The following ZNF708 variants were observed in gnomAD, a reference collection of about 807,000 sequenced individuals.
ZNF708 encodes the protein zinc finger protein 708.
ZNF708 carries 44 observed loss-of-function variants against 47.0 expected under a neutral mutation model. That is an observed-to-expected ratio of 0.94 (90% CI 0.74 to 1.20). The LOEUF (loss-of-function observed/expected upper bound fraction) is 1.20, where lower values mean the gene tolerates loss of function less well. ZNF708 is among the 50% of genes most tolerant of loss of function. ZNF708 has a pLI of 0.00. For missense variants in ZNF708, 557 were observed against 656.0 expected, an observed-to-expected ratio of 0.85 and a Z score of 1.65; for synonymous variants, 184 against 218.5, an observed-to-expected ratio of 0.84 and a Z score of 1.39.
chr19:21,297,886 T>C (rs1012829858), intron 3 of ZNF708, among the ~76,000 whole-genome samples: 2 of 152,040 alleles, frequency 1.3e-5, no homozygotes, highest in Non-Finnish European at 2.9e-5. Context: ...CAACATGTAC[T>C]TTAAGTGAAA....
chr19:21,319,734 T>C (rs1973089831), intron 1 of ZNF708, among the ~76,000 whole-genome samples: 1 of 151,882 alleles, frequency 6.6e-6, no homozygotes, highest in Non-Finnish European at 1.5e-5. Flanking sequence ...ATTAGAAAAA[T>C]GTAAAAAAAC....
At chr19:21,317,534 G>A (rs137867529) in intron 1 of ZNF708, among the ~76,000 whole-genome samples, 7 of 152,266 alleles carry the variant, frequency 4.6e-5, no homozygotes, top group Non-Finnish European at 7.3e-5. Flanking sequence ...TTTATATCAC[G>A]TCTGGTAATT....
intron 1 of ZNF708, among the ~76,000 whole-genome samples, chr19:21,311,949 C>A (rs1391380054): frequency 2.6e-5 from 4 of 152,122 alleles, no homozygotes; most frequent in Non-Finnish European, 5.9e-5. Context: ...TGTATCTGAA[C>A]CCCTCATACT....
At chr19:21,315,161 TC>T in intron 1 of ZNF708, among the ~76,000 whole-genome samples, 1 of 152,218 alleles carries the variant, frequency 6.6e-6, no homozygotes, top group Non-Finnish European at 1.5e-5. Flanking sequence ...GAATTTGCCA[TC>T]AGATTCTGTT....
At chr19:21,321,860 A>G (rs1336963542) in intron 1 of ZNF708, among the ~76,000 whole-genome samples, 2 of 151,950 alleles carry the variant, frequency 1.3e-5, no homozygotes, top group African/African-American at 2.4e-5. Context: ...AAACCTGCAC[A>G]TGTACCAATG....
rs11879313 is a variant in ZNF708, at chr19:21,326,856, C to T, written c.3+2354G>A. On this transcript the variant is annotated intron_variant, in intron 1 of 3. Transcript: ENST00000356929. Reference sequence around the variant, plus strand: ...GGCTGAGGCAGAAGAATTGCTTGAACCCGGGAGGCAGAGGTTGCAGTGAGC... The same window carrying T: ...GGCTGAGGCAGAAGAATTGCTTGAATCCGGGAGGCAGAGGTTGCAGTGAGC... Among the ~76,000 whole-genome samples, 975 of 152,208 alleles carry T rather than the reference C, an allele frequency of 6.4e-3. 13 individuals carry two copies. The highest frequency in any genetic ancestry group is 0.021 in the African/African-American group (870 of 41,540).
At position 21,293,610 on chromosome 19, in the gene ZNF708, T is replaced by G; in HGVS notation, c.1356A>C (p.Glu452Asp). ...AGGAGTAGTTAAAAGTTTTGCCACATTCTTCACATTTGTAGGGTTTGTCTT... is the reference window on the plus strand; with the variant it reads ...AGGAGTAGTTAAAAGTTTTGCCACAGTCTTCACATTTGTAGGGTTTGTCTT... ...HTEDKPYKCEECGKTFNYSSN... is the reference protein window; with the variant it reads ...HTEDKPYKCEDCGKTFNYSSN... The change falls in exon 4 of 4, where the codon GAA becomes GAC. Residue 452 changes from glutamate to aspartate, a missense_variant. By Grantham distance (45) the Glu-to-Asp change is conservative. Coordinates refer to ENST00000356929, the MANE Select transcript of ZNF708 (RefSeq NM_021269.3). 6.2e-7 allele frequency: 1 copy of G among 1,612,782 alleles called. No individual in the cohort carries two copies. The highest frequency in any genetic ancestry group is 1.1e-5 in the South Asian group (1 of 90,968).
intron 3 of ZNF708, among the ~76,000 whole-genome samples, chr19:21,299,742 C>T (rs1234367063): frequency 1.4e-5 from 2 of 145,534 alleles, no homozygotes; most frequent in East Asian, 2.0e-4. Flanking sequence ...CACTGCACTC[C>T]AGCACAGGAG....
intron 1 of ZNF708, among the ~76,000 whole-genome samples, chr19:21,312,858 A>C (rs1289781863): frequency 6.7e-6 from 1 of 148,162 alleles, no homozygotes; most frequent in South Asian, 2.1e-4. Context: ...ACCCATCTTC[A>C]TCCTAAAGTT....
Position 21,295,095 on chromosome 19 carries a change from A to C in ZNF708, c.227-356T>G, listed in dbSNP as rs187424286. Among the ~76,000 whole-genome samples, 171 of 152,336 alleles carry C rather than the reference A, an allele frequency of 1.1e-3. 1 individual carries two copies. The highest frequency in any genetic ancestry group is 3.9e-3 in the African/African-American group (162 of 41,588). On this transcript the variant is annotated intron_variant, in intron 3 of 3. Coordinates refer to ENST00000356929, the MANE Select transcript of ZNF708 (RefSeq NM_021269.3). ...TGGTTTCTTTTTTAAAAGACTAAAA[A>C]AAATAGTGTCACATACATCTTTATT... is the stretch of plus-strand genomic sequence containing the variant.
intron 1 of ZNF708, among the ~76,000 whole-genome samples, chr19:21,320,395 A>T (rs1178738543): frequency 6.6e-6 from 1 of 152,058 alleles, no homozygotes; most frequent in Non-Finnish European, 1.5e-5. Context: ...AATAAAGAAC[A>T]TATGGTATGG....
chr19:21,297,184 A>G (rs1972541905), intron 3 of ZNF708, among the ~76,000 whole-genome samples: 2 of 145,006 alleles, frequency 1.4e-5, no homozygotes, highest in African/African-American at 5.0e-5. Context: ...TATAATTAGC[A>G]ACATCAGTAA....
At chr19:21,316,451 A>T (rs1414450194) in intron 1 of ZNF708, among the ~76,000 whole-genome samples, 1 of 152,128 alleles carries the variant, frequency 6.6e-6, no homozygotes, top group Non-Finnish European at 1.5e-5. Flanking sequence ...CCAAGCCTCA[A>T]GATCTAGATT....
intron 1 of ZNF708, among the ~76,000 whole-genome samples, chr19:21,320,021 C>A (rs1973095363): frequency 6.6e-6 from 1 of 152,020 alleles, no homozygotes; most frequent in East Asian, 1.9e-4. Flanking sequence ...ACTAAAAATA[C>A]AAAAATTAGC....
intron 3 of ZNF708, among the ~76,000 whole-genome samples, chr19:21,307,153 T>C (rs1245741967): frequency 7.2e-6 from 1 of 139,148 alleles, no homozygotes; most frequent in Admixed American, 7.1e-5. Context: ...TAAAATAAAA[T>C]ATAATATAAA....
At chr19:21,306,267 A>C (rs188718154) in intron 3 of ZNF708, among the ~76,000 whole-genome samples, 1 of 152,336 alleles carries the variant, frequency 6.6e-6, no homozygotes, top group Non-Finnish European at 1.5e-5. Flanking sequence ...ACATCAAAAC[A>C]AAAATTCAAT....
At chr19:21,299,450 A>G (rs751141009) in intron 3 of ZNF708, among the ~76,000 whole-genome samples, 21 of 151,976 alleles carry the variant, frequency 1.4e-4, no homozygotes, top group Non-Finnish European at 2.6e-4. Flanking sequence ...GAATAAACTA[A>G]ATATTTAAAA....
At chr19:21,311,011 A>G (rs1455176503) in intron 1 of ZNF708, among the ~76,000 whole-genome samples, 1 of 152,222 alleles carries the variant, frequency 6.6e-6, no homozygotes, top group Admixed American at 6.5e-5. Flanking sequence ...TCTGTAAAAT[A>G]AACTGGAGAT....
chr19:21,305,052 C>T (rs902798036), intron 3 of ZNF708, among the ~76,000 whole-genome samples: 1 of 151,664 alleles, frequency 6.6e-6, no homozygotes, highest in Admixed American at 6.6e-5. Context: ...CGCTCTGTTG[C>T]CAGGCTGGAG....
Sources: gnomAD v4.1 joint callset for allele counts (sites outside exome capture counted in the v4.1 genomes callset) on GRCh38, gnomAD v4.1.1 for gene constraint, MANE v1.5 for transcripts, NCBI Gene and HGNC (gene_info 2026-07-23, HGNC 2026-07-21) for gene names.